The following PARD3B variants were observed in gnomAD, a reference collection of about 807,000 sequenced individuals.
PARD3B encodes par-3 family cell polarity regulator beta.
Under a neutral mutation model 130.2 loss-of-function variants are expected in PARD3B, and 103 were observed. The ratio of observed to expected loss-of-function variants is 0.79; its 90% confidence interval spans 0.67 to 0.93. The LOEUF is 0.93. Ranked by LOEUF, PARD3B falls within the 40% of genes least tolerant of loss-of-function variation. The pLI, the probability that PARD3B is intolerant of heterozygous loss-of-function variation, is 0.00. For missense variants in PARD3B, 1,609 were observed against 1,499.2 expected (o/e 1.07, Z -1.21); for synonymous variants, 583 against 553.2 (o/e 1.05, Z -0.76).
chr2:205,016,471 T>A (rs1285056909), intron 3 of PARD3B, among the ~76,000 whole-genome samples: 1 of 152,202 alleles, frequency 6.6e-6, no homozygotes, highest in Non-Finnish European at 1.5e-5. Flanking sequence ...AGGAACTCTT[T>A]GGACACATTC....
At chr2:204,586,929 C>T (rs2032852240) in intron 1 of PARD3B, among the ~76,000 whole-genome samples, 1 of 152,188 alleles carries the variant, frequency 6.6e-6, no homozygotes. Context: ...CTTCTGTGGT[C>T]TATTCCTCTC....
intron 2 of PARD3B, among the ~76,000 whole-genome samples, chr2:204,753,852 A>G (rs1269482138): frequency 6.6e-6 from 1 of 152,114 alleles, no homozygotes; most frequent in Non-Finnish European, 1.5e-5. Flanking sequence ...CAGGAGTTTG[A>G]GATCAGCTGG....
rs3048121 is a variant in PARD3B, at chr2:205,365,549, C to CTTTT, written c.2631-35451_2631-35448dup. 1.7e-4 allele frequency among the ~76,000 whole-genome samples: 19 copies of CTTTT among 113,760 alleles called. 1 individual carries two copies. Among genetic ancestry groups the CTTTT allele is most frequent in the African/African-American group, 5.3e-4 (14 of 26,536 alleles). 74.6% of individuals were successfully genotyped at this position (113,760 alleles called of 152,430 possible). A position where few individuals can be genotyped will look rare whatever the true frequency, so the allele number is the denominator to read the frequency against. ...TCAGGGCCATATCCACCCAACCTTC[C>CTTTT]TTTTTTTTTTTTTTTTCTAATCTAC... On this transcript the variant is annotated intron_variant, in intron 18 of 22. Coordinates refer to ENST00000406610, the MANE Select transcript of PARD3B (RefSeq NM_001302769.2).
chr2:204,960,636 A>G (rs1299402066), intron 2 of PARD3B, among the ~76,000 whole-genome samples: 1 of 152,178 alleles, frequency 6.6e-6, no homozygotes, highest in Admixed American at 6.5e-5. Context: ...AGGTTTTAGT[A>G]TCTGTTTGCC....
chr2:205,249,661 C>T (rs2039752958), intron 16 of PARD3B, among the ~76,000 whole-genome samples: 1 of 152,082 alleles, frequency 6.6e-6, no homozygotes, highest in South Asian at 2.1e-4. Flanking sequence ...GGGGCTTCCC[C>T]AAAAGGGCAT....
intron 22 of PARD3B, among the ~76,000 whole-genome samples, chr2:205,613,935 G>A (rs995904273): frequency 6.6e-6 from 1 of 152,166 alleles, no homozygotes; most frequent in African/African-American, 2.4e-5. Flanking sequence ...TATTCTCACA[G>A]CCCTGTCATT....
chr2:204,902,252 A>G (rs2046887551), intron 2 of PARD3B, among the ~76,000 whole-genome samples: 1 of 152,198 alleles, frequency 6.6e-6, no homozygotes. Flanking sequence ...GGTTCTGGAA[A>G]TTAATTGGTC....
intron 2 of PARD3B, among the ~76,000 whole-genome samples, chr2:204,844,954 G>T (rs1222742830): frequency 6.6e-6 from 1 of 151,840 alleles, no homozygotes; most frequent in East Asian, 1.9e-4. Flanking sequence ...TCCCCCACTG[G>T]GCCACATTTC....
At chr2:204,652,009 G>A (rs1253042171) in intron 1 of PARD3B, among the ~76,000 whole-genome samples, 1 of 152,166 alleles carries the variant, frequency 6.6e-6, no homozygotes, top group Non-Finnish European at 1.5e-5. Context: ...CCTGGACCTG[G>A]CCCATGAAAT....
At chr2:205,058,201 T>G (rs900988549) in intron 4 of PARD3B, among the ~76,000 whole-genome samples, 1 of 151,936 alleles carries the variant, frequency 6.6e-6, no homozygotes, top group East Asian at 1.9e-4. Flanking sequence ...CTTTTTTGAC[T>G]GGCTTATTTT....
intron 1 of PARD3B, among the ~76,000 whole-genome samples, chr2:204,633,264 T>C (rs189762329): frequency 4.1e-4 from 63 of 152,312 alleles, no homozygotes; most frequent in African/African-American, 1.5e-3. Flanking sequence ...ATGTACCCTA[T>C]ATACTACTAC....
At chr2:205,381,085 T>G (rs1355518767) in intron 18 of PARD3B, among the ~76,000 whole-genome samples, 1 of 107,636 alleles carries the variant, frequency 9.3e-6, no homozygotes, top group Non-Finnish European at 1.7e-5. Flanking sequence ...ATATTATATA[T>G]AAAGAATATA....
At position 204,998,312 on chromosome 2, in the gene PARD3B, GTATATATATATATATATATATATA is replaced by G. The variant is rs771546892; in HGVS notation, c.394+33013_394+33036del. On this transcript the variant is annotated intron_variant, in intron 3 of 22. Coordinates refer to ENST00000406610, the MANE Select transcript of PARD3B (RefSeq NM_001302769.2). ...CTGCACATGTATCCCAGAACTTAAA[GTATATATATATATATATATATATA>G]TATATATATATATATATATATATGT... Among the ~76,000 whole-genome samples the G allele has an allele frequency of 7.8e-3, 407 of 52,018 alleles. 16 individuals are homozygous for G. Among genetic ancestry groups the G allele is most frequent in the Middle Eastern group, 0.011 (1 of 90 alleles). 34.1% of individuals were successfully genotyped at this position (52,018 alleles called of 152,430 possible).
chr2:205,440,299 C>A lies in PARD3B; in HGVS notation c.2742-71C>A. The A allele has an allele frequency of 6.9e-7, 1 of 1,440,344 alleles. No individual in the cohort carries two copies. Among genetic ancestry groups the A allele is most frequent in the South Asian group, 1.3e-5 (1 of 78,192 alleles). The allele number at this position is 1,440,344 out of a possible 1,614,324, so 89.2% of individuals were successfully genotyped here. ...AGACGAGGAAGAGTTAACATAAATTCAAGAGAGTATTTCATTGTATTATTA... is the reference window on the plus strand; with the variant it reads ...AGACGAGGAAGAGTTAACATAAATTAAAGAGAGTATTTCATTGTATTATTA... On this transcript the variant is annotated intron_variant, in intron 19 of 22. Transcript: ENST00000406610. The surrounding 1 kb of genome is among the most constrained non-coding windows in gnomAD (Gnocchi z 4.2).
chr2:205,302,055 T>C (rs1027610761), intron 18 of PARD3B: 1 of 482,808 alleles, frequency 2.1e-6, no homozygotes, highest in African/African-American at 2.3e-5. Context: ...CTTTTTTTCT[T>C]TTTTCTTTTC....
At chr2:204,959,345 A>G (rs1057053177) in intron 2 of PARD3B, among the ~76,000 whole-genome samples, 8 of 152,194 alleles carry the variant, frequency 5.3e-5, no homozygotes, top group Admixed American at 1.3e-4. Flanking sequence ...TCCATTGTGT[A>G]TATGTGCCAC....
rs188756642 is a variant in PARD3B, at chr2:205,090,285, T to C, written c.505-14141T>C. On this transcript the variant is annotated intron_variant, in intron 4 of 22. Transcript: ENST00000406610. ...CTGTTTTGTTCATACCAAGGGAAGG[T>C]TTGATTAAAAAGATTTCCTCTTTTT... is the stretch of plus-strand genomic sequence containing the variant. Among the ~76,000 whole-genome samples, 3 of 152,292 alleles carry C rather than the reference T, an allele frequency of 2.0e-5. No individual in the cohort carries two copies. In the East Asian group the frequency reaches 5.8e-4, roughly 29 times the overall value.
chr2:205,540,413 A>AT (rs543564047), intron 21 of PARD3B, among the ~76,000 whole-genome samples: 1 of 151,958 alleles, frequency 6.6e-6, no homozygotes, highest in Non-Finnish European at 1.5e-5. Flanking sequence ...CTCTTTTCAC[A>AT]TTTTTTGGTG....
intron 20 of PARD3B, among the ~76,000 whole-genome samples, chr2:205,496,278 T>C (rs753373378): frequency 1.3e-5 from 2 of 152,192 alleles, no homozygotes; most frequent in Non-Finnish European, 2.9e-5. Flanking sequence ...ATATGTGTAT[T>C]ATCTGCTGAG....
Sources: allele counts gnomAD v4.1 joint callset (sites outside exome capture counted in the v4.1 genomes callset), GRCh38; gene constraint gnomAD v4.1.1; non-coding constraint Gnocchi (gnomAD v3.1); transcripts MANE v1.5; gene names NCBI Gene and HGNC (gene_info 2026-07-23, HGNC 2026-07-21).